The following XRCC2 variants were observed in gnomAD, a reference collection of about 807,000 sequenced individuals.
XRCC2 encodes X-ray repair cross complementing 2.
XRCC2 carries 24 observed loss-of-function variants against 27.3 expected under a neutral mutation model. That is an observed-to-expected ratio of 0.88 (90% confidence interval 0.64 to 1.24). The LOEUF (loss-of-function observed/expected upper bound fraction) is 1.24, where lower values mean the gene tolerates loss of function less well. XRCC2 is among the 50% of genes most tolerant of loss of function. The pLI is 0.00. For missense variants in XRCC2, 321 were observed against 325.8 expected, an observed-to-expected ratio of 0.99 and a Z score of 0.11; for synonymous variants, 106 against 115.4, an observed-to-expected ratio of 0.92 and a Z score of 0.52.
chr7:152,662,467 C>G (rs3218467), intron 1 of XRCC2, among the ~76,000 whole-genome samples: 8,454 of 149,648 alleles, frequency 0.056, 343 homozygotes, highest in South Asian at 0.11. Flanking sequence ...AACTGATTCT[C>G]AAGTTTCTTG....
chr7:152,652,337 C>T (rs1265070654), intron 2 of XRCC2, among the ~76,000 whole-genome samples: 1 of 152,046 alleles, frequency 6.6e-6, no homozygotes, highest in Non-Finnish European at 1.5e-5. Context: ...CTGAACCCGC[C>T]ACTCCTGCCA....
At chr7:152,657,661 C>T (rs1400987629) in intron 2 of XRCC2, among the ~76,000 whole-genome samples, 1 of 152,136 alleles carries the variant, frequency 6.6e-6, no homozygotes, top group Non-Finnish European at 1.5e-5. Context: ...GATGACCATA[C>T]AATGTATAAA....
chr7:152,649,702 A>G (rs562195246), intron 2 of XRCC2, among the ~76,000 whole-genome samples: 40 of 152,306 alleles, frequency 2.6e-4, no homozygotes, highest in South Asian at 8.3e-4. Flanking sequence ...ATTACACTAT[A>G]TCCATTCTTC....
chr7:152,663,560 C>A (rs112147039), intron 1 of XRCC2, among the ~76,000 whole-genome samples: 1 of 152,018 alleles, frequency 6.6e-6, no homozygotes, highest in East Asian at 1.9e-4. Flanking sequence ...GTCTTTGGGC[C>A]GGGCACAGTG....
At chr7:152,675,190 TCTTG>T (rs996219823) in intron 1 of XRCC2, among the ~76,000 whole-genome samples, 3 of 152,156 alleles carry the variant, frequency 2.0e-5, no homozygotes, top group Non-Finnish European at 4.4e-5. Context: ...TTAGCCATGC[TCTTG>T]CTTAATTCAG....
intron 1 of XRCC2, among the ~76,000 whole-genome samples, chr7:152,674,703 A>ATTATATATAT (rs1563035228): frequency 1.0e-5 from 1 of 97,364 alleles, no homozygotes; most frequent in Admixed American, 1.2e-4. Flanking sequence ...TTAAATATAT[A>ATTATATATAT]TTTATATAAT....
chr7:152,651,164 T>A (rs1018478744), intron 2 of XRCC2, among the ~76,000 whole-genome samples: 14 of 150,202 alleles, frequency 9.3e-5, no homozygotes, highest in African/African-American at 3.4e-4. Context: ...GGTCTCGAAC[T>A]CCTGACCTCA....
At chr7:152,659,253 C>T (rs1026829729) in intron 2 of XRCC2, among the ~76,000 whole-genome samples, 1 of 152,066 alleles carries the variant, frequency 6.6e-6, no homozygotes, top group Non-Finnish European at 1.5e-5. Flanking sequence ...GTTATATGTG[C>T]TTAACAATAC....
intron 1 of XRCC2, among the ~76,000 whole-genome samples, chr7:152,668,624 T>C (rs1388526074): frequency 6.6e-6 from 1 of 152,178 alleles, no homozygotes. Context: ...CAGAGCTTGG[T>C]GATGATAGCC....
chr7:152,665,262 G>A (rs1004814963), intron 1 of XRCC2, among the ~76,000 whole-genome samples: 17 of 152,116 alleles, frequency 1.1e-4, no homozygotes, highest in African/African-American at 3.4e-4. Flanking sequence ...AAGAAGACAA[G>A]AACTAAGGAC....
intron 2 of XRCC2, among the ~76,000 whole-genome samples, chr7:152,652,104 G>A (rs144281097): frequency 1.3e-4 from 19 of 151,748 alleles, no homozygotes; most frequent in East Asian, 3.9e-4. Flanking sequence ...TTGAGGCTAC[G>A]GTGAGCCATG....
At position 152,660,161 on chromosome 7, in the gene XRCC2, C is replaced by T. The variant is rs143886975; in HGVS notation, c.121+540G>A. On this transcript the variant is annotated intron_variant, in intron 2 of 2. Transcript: ENST00000359321. ...TGGGGAACATGGGAGATGATGATTA[C>T]TAGAAATGAGCTTCTTTACGGGGAG... Among the ~76,000 whole-genome samples, 409 of 152,130 alleles carry T rather than the reference C, an allele frequency of 2.7e-3. 1 individual carries two copies. The highest frequency in any genetic ancestry group is 8.6e-3 in the African/African-American group (357 of 41,420).
intron 2 of XRCC2, among the ~76,000 whole-genome samples, chr7:152,658,211 C>G (rs1208312727): frequency 6.6e-6 from 1 of 151,818 alleles, no homozygotes; most frequent in Non-Finnish European, 1.5e-5. Context: ...GTGGCACAAT[C>G]TTGGCTCACT....
chr7:152,667,353 C>T lies in XRCC2; in HGVS notation c.40-6571G>A, dbSNP rs180840749. 4.6e-5 allele frequency among the ~76,000 whole-genome samples: 6 copies of T among 129,834 alleles called. No homozygotes were observed. The East Asian group carries it at 1.4e-3, about 30-fold the overall frequency. The allele number at this position is 129,834 out of a possible 152,430, so 85.2% of individuals were successfully genotyped here. On this transcript the variant is annotated intron_variant, in intron 1 of 2. Transcript: ENST00000359321. Reference sequence around the variant, plus strand: ...GTCTGAGGCAGAGGTTGCGGTGAGCCGAGATTACGCCATTGCACTCCAGCC... The same window carrying T: ...GTCTGAGGCAGAGGTTGCGGTGAGCTGAGATTACGCCATTGCACTCCAGCC...
chr7:152,659,899 C>A (rs2098032320), intron 2 of XRCC2, among the ~76,000 whole-genome samples: 2 of 152,158 alleles, frequency 1.3e-5, no homozygotes, highest in Non-Finnish European at 2.9e-5. Context: ...ACCCAAATGT[C>A]CATCAGCTAA....
At chr7:152,653,671 AG>A (rs2098029484) in intron 2 of XRCC2, among the ~76,000 whole-genome samples, 3 of 152,002 alleles carry the variant, frequency 2.0e-5, no homozygotes, top group African/African-American at 7.3e-5. Context: ...TGAGTTGCCC[AG>A]GGTGGTCTCA....
chr7:152,651,532 C>T (rs2116990536), intron 2 of XRCC2, among the ~76,000 whole-genome samples: 1 of 152,134 alleles, frequency 6.6e-6, no homozygotes, highest in East Asian at 1.9e-4. Context: ...GTAGAGGCTG[C>T]AGTGAGCCAA....
Position 152,649,383 on chromosome 7 carries a change from C to A in XRCC2, c.122-20G>T. ...TATCACCTGTGTAAAATTTAAAAAT[C>A]TCAGTCAAAATGCAGTAGCTCAAGG... On this transcript the variant is annotated intron_variant, in intron 2 of 2. Transcript: ENST00000359321. 1 of 1,536,692 alleles carries A rather than the reference C, an allele frequency of 6.5e-7. No individual in the cohort carries two copies.
intron 1 of XRCC2, among the ~76,000 whole-genome samples, chr7:152,674,903 T>C (rs2098040253): frequency 2.0e-5 from 3 of 151,462 alleles, no homozygotes; most frequent in African/African-American, 4.9e-5. Context: ...CAAAGCTTTA[T>C]TGGAACGCTG....
Sources: gnomAD v4.1 joint callset for allele counts (sites outside exome capture counted in the v4.1 genomes callset) on GRCh38, gnomAD v4.1.1 for gene constraint, MANE v1.5 for transcripts, NCBI Gene and HGNC (gene_info 2026-07-23, HGNC 2026-07-21) for gene names.